OCIAD1: variants seen among roughly 807,000 people sequenced by gnomAD.
The protein encoded by OCIAD1 is OCIA domain containing 1.
OCIAD1 carries 29 observed loss-of-function variants against 38.9 expected under a neutral mutation model. That is an observed-to-expected ratio of 0.74 (90% CI 0.55 to 1.02). The LOEUF is 1.02. OCIAD1 is among the 50% of genes least tolerant of loss of function. The pLI is 0.00. For synonymous variants in OCIAD1, 110 were observed against 92.0 expected (o/e 1.20, Z -1.12); for missense variants, 288 against 289.6 (o/e 0.99, Z 0.04).
chr4:48,848,599 T>C (rs1779164380), intron 5 of OCIAD1, 153 bp downstream of exon 5: 1 of 415,966 alleles, frequency 2.4e-6, no homozygotes, highest in African/African-American at 2.1e-5. Context: ...AGTGGATTAC[T>C]TGGATATTTT....
chr4:48,812,593 G>A (rs1346238982), intron 1 of OCIAD1, among the ~76,000 whole-genome samples: 2 of 152,222 alleles, frequency 1.3e-5, no homozygotes, highest in South Asian at 2.1e-4. Context: ...AGAATAGGTC[G>A]CATAATACAA....
intron 7 of OCIAD1, among the ~76,000 whole-genome samples, chr4:48,853,338 T>C (rs1779716185): frequency 1.3e-5 from 2 of 152,190 alleles, no homozygotes; most frequent in South Asian, 4.1e-4. Context: ...TATTAATGTG[T>C]TTGCTTACTC....
chr4:48,830,320 A>G (rs112506201), upstream of OCIAD1, among the ~76,000 whole-genome samples: 20 of 152,344 alleles, frequency 1.3e-4, no homozygotes, highest in Admixed American at 3.9e-4. Flanking sequence ...GGGCTCAGAA[A>G]GAGATGAGAA....
At chr4:48,824,981 C>A (rs1309002945) in intron 1 of OCIAD1, among the ~76,000 whole-genome samples, 1 of 152,182 alleles carries the variant, frequency 6.6e-6, no homozygotes, top group Admixed American at 6.5e-5. Flanking sequence ...AATGACCTGC[C>A]CACCTTGGCA....
At chr4:48,859,163 C>T (rs796282503) in intron 8 of OCIAD1, among the ~76,000 whole-genome samples, 25 of 152,114 alleles carry the variant, frequency 1.6e-4, no homozygotes, top group African/African-American at 5.3e-4. Context: ...GCGGTTGCTT[C>T]GTTTGGAGTT....
intron 1 of OCIAD1, among the ~76,000 whole-genome samples, chr4:48,810,369 C>T (rs1241124798): frequency 2.0e-5 from 3 of 149,176 alleles, no homozygotes; most frequent in Admixed American, 6.8e-5. Context: ...CTCGGGAGGC[C>T]GAGGCAGGAG....
At chr4:48,827,562 T>G (rs1777263328), upstream of OCIAD1, among the ~76,000 whole-genome samples, 1 of 152,248 alleles carries the variant, frequency 6.6e-6, no homozygotes, top group Non-Finnish European at 1.5e-5. Flanking sequence ...ATTGTTGCAT[T>G]ACCCAAATTA....
intron 4 of OCIAD1, among the ~76,000 whole-genome samples, chr4:48,846,921 A>G (rs2109571487): frequency 6.6e-6 from 1 of 152,232 alleles, no homozygotes; most frequent in South Asian, 2.1e-4. Flanking sequence ...ATCTATCTGA[A>G]CTGTGCATTG....
At chr4:48,809,569 T>G (rs955386215) in intron 1 of OCIAD1, among the ~76,000 whole-genome samples, 58 of 152,084 alleles carry the variant, frequency 3.8e-4, no homozygotes, top group African/African-American at 1.4e-3. Context: ...AGTTAAAATG[T>G]AAAATCCTAA....
chr4:48,809,257 C>T (rs182618017), intron 1 of OCIAD1, among the ~76,000 whole-genome samples: 40 of 152,310 alleles, frequency 2.6e-4, no homozygotes, highest in Admixed American at 2.1e-3. Context: ...CGCGGTGGCT[C>T]ACGCCTGTAA....
In OCIAD1 at chr4:48,852,888, T is replaced by TGTTTTTGTTTTTG. The variant is rs71191268; in HGVS notation, c.547+913_547+914insGTTTTTGTTTTTG. Among the ~76,000 whole-genome samples the TGTTTTTGTTTTTG allele has an allele frequency of 3.4e-3, 431 of 127,514 alleles. 5 individuals carry two copies. Among genetic ancestry groups the TGTTTTTGTTTTTG allele is most frequent in the African/African-American group, 0.011 (377 of 33,050 alleles). 83.7% of individuals were successfully genotyped at this position (127,514 alleles called of 152,430 possible). A position where few individuals can be genotyped will look rare whatever the true frequency, so the allele number is the denominator to read the frequency against. On this transcript the variant is annotated intron_variant, in intron 7 of 8. Transcript: ENST00000264312. ...AAGTTTTTTTTTGTTTTTTGTTTTTTTTTTTTTTTTTGAGATGGAGTCTTG... is the reference window on the plus strand; with the variant it reads ...AAGTTTTTTTTTGTTTTTTGTTTTTTGTTTTTGTTTTTGTTTTTTTTTTTGAGATGGAGTCTTG...
At chr4:48,841,388 G>A (rs1292868471) in intron 3 of OCIAD1, among the ~76,000 whole-genome samples, 2 of 152,204 alleles carry the variant, frequency 1.3e-5, no homozygotes, top group Non-Finnish European at 2.9e-5. Flanking sequence ...GGAGCATGGG[G>A]TGAAGTCCGG....
At position 48,854,712 on chromosome 4, in the gene OCIAD1, A is replaced by G. The variant is rs546517760; in HGVS notation, c.548-2501A>G. Among the ~76,000 whole-genome samples the G allele has an allele frequency of 5.3e-5, 8 of 152,292 alleles. No individual in the cohort carries two copies. The South Asian group carries it at 1.7e-3, about 32-fold the overall frequency. ...TCTGCCTTCTGACCCCCTTCTCTAA[A>G]TCAAAGTGGCTACTTTTTTACTGCT... On this transcript the variant is annotated intron_variant, in intron 7 of 8. Coordinates refer to ENST00000264312, the MANE Select transcript of OCIAD1 (RefSeq NM_017830.4).
At chr4:48,817,314 A>G (rs1466915915) in intron 1 of OCIAD1, among the ~76,000 whole-genome samples, 1 of 152,150 alleles carries the variant, frequency 6.6e-6, no homozygotes, top group Non-Finnish European at 1.5e-5. Context: ...CCTGGGTTTC[A>G]AGCACAAAAC....
At chr4:48,834,041 A>AT (rs1356293015) in intron 3 of OCIAD1, among the ~76,000 whole-genome samples, 2 of 152,256 alleles carry the variant, frequency 1.3e-5, no homozygotes, top group Non-Finnish European at 2.9e-5. Flanking sequence ...TCAAGATTGT[A>AT]TTTTTTAAAT....
At chr4:48,817,514 AC>A (rs1777155085) in intron 1 of OCIAD1, among the ~76,000 whole-genome samples, 2 of 152,300 alleles carry the variant, frequency 1.3e-5, no homozygotes, top group Admixed American at 1.3e-4. Flanking sequence ...TTGGGCAGAC[AC>A]CGAGCTAACT....
chr4:48,848,640 T>C (rs1357173541), intron 5 of OCIAD1, 194 bp downstream of exon 5: 6 of 388,432 alleles, frequency 1.5e-5, no homozygotes, highest in Admixed American at 4.5e-5. Flanking sequence ...TCAGTTGAAA[T>C]AGGCATTTTT....
chr4:48,852,882 G>GTTTTTTTTTTTTTTTTTTTTTTT (rs1439653723), intron 7 of OCIAD1, among the ~76,000 whole-genome samples: 7 of 126,336 alleles, frequency 5.5e-5, no homozygotes, highest in African/African-American at 2.2e-4. Context: ...TTTGTTTTTT[G>GTTTTTTTTTTTTTTTTTTTTTTT]TTTTTTTTTT....
upstream of OCIAD1, among the ~76,000 whole-genome samples, chr4:48,829,695 G>A (rs766775829): frequency 1.3e-5 from 2 of 152,184 alleles, no homozygotes; most frequent in Non-Finnish European, 2.9e-5. Context: ...TGGTCTAGAA[G>A]AGGGAACAGC....
Sources: allele counts gnomAD v4.1 joint callset (sites outside exome capture counted in the v4.1 genomes callset), GRCh38; gene constraint gnomAD v4.1.1; transcripts MANE v1.5; gene names NCBI Gene and HGNC (gene_info 2026-07-23, HGNC 2026-07-21).